Variants in BRD10 observed in about 807,000 individuals in gnomAD.
BRD10 encodes the protein bromodomain containing 10, also known as uncharacterized bromodomain-containing protein 10.
At chr9:5,920,159 G>T in the BRD10 span, 1 of 1,613,970 alleles carries the variant, frequency 6.2e-7, no homozygotes, top group Non-Finnish European at 8.5e-7. Context: ...ATTATTTGAT[G>T]CTAGTGTGAT....
At chr9:5,954,218 T>C in the BRD10 span, 2 of 618,890 alleles carry the variant, frequency 3.2e-6, no homozygotes. Context: ...GTGAGTCAAA[T>C]AAAAATGATG....
chr9:5,945,394 G>C, the BRD10 span, among the ~76,000 whole-genome samples: 1 of 152,078 alleles, frequency 6.6e-6, no homozygotes, highest in Non-Finnish European at 1.5e-5. Context: ...GCCTTGGTTT[G>C]CTAACTATAC....
chr9:5,981,532 T>TA, the BRD10 span, among the ~76,000 whole-genome samples: 1 of 152,036 alleles, frequency 6.6e-6, no homozygotes, highest in Non-Finnish European at 1.5e-5. Context: ...GTCTGAAACT[T>TA]AAAGGAGAGA....
the BRD10 span, among the ~76,000 whole-genome samples, chr9:5,981,565 C>T: frequency 3.9e-5 from 6 of 152,168 alleles, no homozygotes; most frequent in Non-Finnish European, 8.8e-5. Context: ...ATCTATCTAT[C>T]TATCCATCCA....
At chr9:5,945,872 G>A in the BRD10 span, among the ~76,000 whole-genome samples, 1 of 151,826 alleles carries the variant, frequency 6.6e-6, no homozygotes, top group Non-Finnish European at 1.5e-5. Context: ...TTAATGAAAA[G>A]TCTTATTGTA....
chr9:5,889,725 T>C, the BRD10 span, among the ~76,000 whole-genome samples: 1 of 151,912 alleles, frequency 6.6e-6, no homozygotes, highest in Non-Finnish European at 1.5e-5. Flanking sequence ...GCAGAGGTTG[T>C]AGTGAGCTGA....
At chr9:5,969,081 C>T in the BRD10 span, 6 of 1,613,512 alleles carry the variant, frequency 3.7e-6, no homozygotes, top group South Asian at 3.3e-5. Context: ...GTTTGCCCTA[C>T]AGCAGTGTAC....
At chr9:5,926,815 A>G in the BRD10 span, among the ~76,000 whole-genome samples, 1 of 152,204 alleles carries the variant, frequency 6.6e-6, no homozygotes, top group Non-Finnish European at 1.5e-5. Context: ...TTTTTAAAAC[A>G]TTAAAATTCC....
the BRD10 span, chr9:5,923,108 T>C: frequency 6.2e-7 from 1 of 1,614,024 alleles, no homozygotes; most frequent in Non-Finnish European, 8.5e-7. Context: ...TTCTAGATTC[T>C]CAACTGTTGT....
At chr9:5,994,676 T>C in the BRD10 span, among the ~76,000 whole-genome samples, 1 of 152,156 alleles carries the variant, frequency 6.6e-6, no homozygotes, top group African/African-American at 2.4e-5. Flanking sequence ...CCTGGACCAA[T>C]TATATTTCTG....
At chr9:5,880,329 T>C in the BRD10 span, among the ~76,000 whole-genome samples, 19 of 150,434 alleles carry the variant, frequency 1.3e-4, no homozygotes, top group African/African-American at 4.1e-4. Flanking sequence ...CGGACCAACA[T>C]GGTGAAACCC....
chr9:5,981,551 ATCTAT>A, the BRD10 span, among the ~76,000 whole-genome samples: 29 of 139,386 alleles, frequency 2.1e-4, no homozygotes, highest in African/African-American at 9.0e-4. Context: ...GACCTGGACT[ATCTAT>A]CTATCTATCT....
At chr9:5,880,779 A>G in the BRD10 span, among the ~76,000 whole-genome samples, 3 of 145,978 alleles carry the variant, frequency 2.1e-5, no homozygotes, top group South Asian at 2.2e-4. Context: ...ATCTCAGCTC[A>G]CTGCAACCTC....
At chr9:5,882,968 T>A in the BRD10 span, among the ~76,000 whole-genome samples, 8 of 152,016 alleles carry the variant, frequency 5.3e-5, no homozygotes, top group East Asian at 1.9e-4. Flanking sequence ...ATGAGAACAC[T>A]TGGACACAGG....
chr9:5,967,116 C>A, the BRD10 span, among the ~76,000 whole-genome samples: 2 of 152,094 alleles, frequency 1.3e-5, no homozygotes, highest in African/African-American at 4.8e-5. Flanking sequence ...ACTTTTGCTA[C>A]TGAAGAAAGA....
At chr9:5,947,349 TA>T in the BRD10 span, among the ~76,000 whole-genome samples, 1 of 152,144 alleles carries the variant, frequency 6.6e-6, no homozygotes, top group African/African-American at 2.4e-5. Context: ...AGTAAGGTAC[TA>T]AATGACTATG....
chr9:5,969,466 T>C, the BRD10 span: 25 of 1,355,224 alleles, frequency 1.8e-5, no homozygotes, highest in East Asian at 1.2e-4. Context: ...TATACTATTA[T>C]TATTCAGAGG....
At chr9:5,929,905 T>C in the BRD10 span, among the ~76,000 whole-genome samples, 2 of 152,178 alleles carry the variant, frequency 1.3e-5, no homozygotes, top group Admixed American at 1.3e-4. Context: ...CGTATCTGCC[T>C]GATTCTGAAG....
At chr9:5,974,175 G>A in the BRD10 span, among the ~76,000 whole-genome samples, 1 of 152,152 alleles carries the variant, frequency 6.6e-6, no homozygotes, top group Admixed American at 6.5e-5. Flanking sequence ...AGGAATGACA[G>A]ACTGAGAGAT....
Sources: gnomAD v4.1 joint callset for allele counts (sites outside exome capture counted in the v4.1 genomes callset) on GRCh38, gnomAD v4.1.1 for gene constraint, MANE v1.5 for transcripts, NCBI Gene and HGNC (gene_info 2026-07-23, HGNC 2026-07-21) for gene names.